The following TMEM132D variants were observed in gnomAD, a reference collection of about 807,000 sequenced individuals.
TMEM132D encodes mature OL transmembrane protein.
In TMEM132D, 21 loss-of-function variants were observed where a neutral mutation model predicts 62.3. The ratio of observed to expected loss-of-function variants is 0.34; its 90% CI spans 0.24 to 0.49. The LOEUF (loss-of-function observed/expected upper bound fraction) is 0.49, where lower values mean the gene tolerates loss of function less well. Among genes scored for constraint, TMEM132D ranks in the 20% least tolerant of loss-of-function variants. TMEM132D has a pLI of 0.99. For missense variants in TMEM132D, 1,346 were observed against 1,402.8 expected, an observed-to-expected ratio of 0.96 and a Z score of 0.65; for synonymous variants, 621 against 575.6, an observed-to-expected ratio of 1.08 and a Z score of -1.13.
At position 129,073,777 on chromosome 12, in the gene TMEM132D, T is replaced by C. The variant is rs1874151769; in HGVS notation, c.*98A>G. On this transcript the variant is annotated 3_prime_UTR_variant, in exon 9 of 9. Coordinates refer to ENST00000422113, the MANE Select transcript of TMEM132D (RefSeq NM_133448.3). ...TATGGATAGTGTCATCCTTATTTTG[T>C]CCTGCTGCTTTGTTTCTCTTCCGGG... The C allele has an allele frequency of 1.8e-6, 2 of 1,140,582 alleles. No individual in the cohort carries two copies. The highest frequency in any genetic ancestry group is 2.5e-6 in the Non-Finnish European group (2 of 798,926). The allele number at this position is 1,140,582 out of a possible 1,614,324, so 70.7% of individuals were successfully genotyped here. A position where few individuals can be genotyped will look rare whatever the true frequency, so the allele number is the denominator to read the frequency against.
At chr12:129,263,810 G>T (rs575935510) in intron 4 of TMEM132D, among the ~76,000 whole-genome samples, 3 of 152,120 alleles carry the variant, frequency 2.0e-5, no homozygotes, top group Admixed American at 1.3e-4. Flanking sequence ...TGCAGTCAGG[G>T]TTCTTCAGAA....
intron 3 of TMEM132D, among the ~76,000 whole-genome samples, chr12:129,523,473 T>G (rs1184781587): frequency 6.6e-6 from 1 of 152,194 alleles, no homozygotes; most frequent in Non-Finnish European, 1.5e-5. Flanking sequence ...CTTGTAGCTG[T>G]AGCAAGAGAA....
At chr12:129,754,867 G>A (rs909369897) in intron 1 of TMEM132D, among the ~76,000 whole-genome samples, 1 of 152,136 alleles carries the variant, frequency 6.6e-6, no homozygotes, top group Non-Finnish European at 1.5e-5. Context: ...AGGGACTGGA[G>A]GCATCTTGTG....
At chr12:129,087,990 A>C (rs76452805) in intron 5 of TMEM132D, among the ~76,000 whole-genome samples, 93 of 35,618 alleles carry the variant, frequency 2.6e-3, no homozygotes, top group African/African-American at 5.2e-3. Context: ...GGTGTCCTCC[A>C]TGACCGGGGT....
At chr12:129,525,317 A>G (rs1875997343) in intron 3 of TMEM132D, among the ~76,000 whole-genome samples, 1 of 127,728 alleles carries the variant, frequency 7.8e-6, no homozygotes, top group Non-Finnish European at 1.6e-5. Flanking sequence ...GGTCTGTTGT[A>G]TCCCTAATGC....
chr12:129,343,779 A>T (rs369999887), intron 3 of TMEM132D, among the ~76,000 whole-genome samples: 52 of 151,120 alleles, frequency 3.4e-4, no homozygotes, highest in African/African-American at 1.2e-3. Flanking sequence ...AACAAAAAAA[A>T]AAAACAAATG....
intron 2 of TMEM132D, among the ~76,000 whole-genome samples, chr12:129,652,970 C>A (rs574864228): frequency 1.2e-4 from 19 of 152,258 alleles, no homozygotes; most frequent in African/African-American, 4.6e-4. Flanking sequence ...AACAATCGTA[C>A]GTATTTAAAA....
intron 3 of TMEM132D, among the ~76,000 whole-genome samples, chr12:129,431,076 T>C (rs958550686): frequency 1.3e-5 from 2 of 152,226 alleles, no homozygotes; most frequent in Admixed American, 1.3e-4. Flanking sequence ...GCAGGGGGCT[T>C]CCAGGAATGG....
In TMEM132D at chr12:129,273,435, CAAAA is replaced by C. The variant is rs36073067; in HGVS notation, c.1300-63776_1300-63773del. 4.0e-3 allele frequency among the ~76,000 whole-genome samples: 460 copies of C among 113,752 alleles called. 11 individuals are homozygous for C. Among genetic ancestry groups the C allele is most frequent in the African/African-American group, 0.013 (376 of 28,148 alleles). The allele number at this position is 113,752 out of a possible 152,430, so 74.6% of individuals were successfully genotyped here. On this transcript the variant is annotated intron_variant, in intron 4 of 8. Coordinates refer to ENST00000422113, the MANE Select transcript of TMEM132D (RefSeq NM_133448.3). Reference sequence around the variant, plus strand: ...CCCAAAGGAAAATAAATCAGCCTGTCAAAAAAAAAAAAAAAAAAAGCACATGAAC... The same window carrying C: ...CCCAAAGGAAAATAAATCAGCCTGTCAAAAAAAAAAAAAAAGCACATGAAC...
At chr12:129,522,652 A>C (rs1336911164) in intron 3 of TMEM132D, 2 of 152,336 alleles carry the variant, frequency 1.3e-5, no homozygotes, top group African/African-American at 4.8e-5. Flanking sequence ...CATCATCAAA[A>C]ACATCGAAGA....
chr12:129,654,092 G>T (rs576287733), intron 2 of TMEM132D, among the ~76,000 whole-genome samples: 1 of 152,134 alleles, frequency 6.6e-6, no homozygotes, highest in Non-Finnish European at 1.5e-5. Flanking sequence ...TGTTTCTCAT[G>T]AATAGACTGA....
At chr12:129,363,526 A>C (rs1870316637) in intron 3 of TMEM132D, among the ~76,000 whole-genome samples, 1 of 152,248 alleles carries the variant, frequency 6.6e-6, no homozygotes, top group African/African-American at 2.4e-5. Flanking sequence ...ATGACAAATG[A>C]AAGTGCTGAG....
chr12:129,513,823 T>C (rs1875578086), intron 3 of TMEM132D, among the ~76,000 whole-genome samples: 1 of 136,576 alleles, frequency 7.3e-6, no homozygotes, highest in East Asian at 2.3e-4. Context: ...TTTATTTATT[T>C]ATTTATTTAT....
At chr12:129,316,779 A>G (rs185821312) in intron 4 of TMEM132D, among the ~76,000 whole-genome samples, 103 of 149,932 alleles carry the variant, frequency 6.9e-4, no homozygotes, top group African/African-American at 2.3e-3. Context: ...GTTGCTGTCT[A>G]TCTCATTTCT....
chr12:129,654,286 G>A (rs1880012351), intron 2 of TMEM132D, among the ~76,000 whole-genome samples: 1 of 69,742 alleles, frequency 1.4e-5, no homozygotes, highest in South Asian at 9.4e-4. Flanking sequence ...TCTCGTGTGT[G>A]TGTGTGTGTG....
intron 2 of TMEM132D, among the ~76,000 whole-genome samples, chr12:129,675,286 C>T (rs951290032): frequency 6.6e-6 from 1 of 151,904 alleles, no homozygotes; most frequent in Admixed American, 6.6e-5. Context: ...GAAAACCATA[C>T]ACCACATGTT....
chr12:129,589,481 T>A (rs981677942), intron 2 of TMEM132D, among the ~76,000 whole-genome samples: 5 of 152,222 alleles, frequency 3.3e-5, no homozygotes, highest in African/African-American at 1.2e-4. Flanking sequence ...CCTACCCGCA[T>A]ATGCAAGGAC....
At chr12:129,882,034 G>A (rs1874612557) in intron 1 of TMEM132D, among the ~76,000 whole-genome samples, 1 of 151,842 alleles carries the variant, frequency 6.6e-6, no homozygotes, top group South Asian at 2.1e-4. Context: ...TAGATAAAAT[G>A]AACCAATTCA....
At chr12:129,482,951 GTGTGTGT>G in intron 3 of TMEM132D, among the ~76,000 whole-genome samples, 1 of 30,298 alleles carries the variant, frequency 3.3e-5, no homozygotes, top group South Asian at 1.3e-3. Context: ...TAATCTGTGT[GTGTGTGT>G]GTGTGTGTGT....
Sources: allele counts gnomAD v4.1 joint callset (sites outside exome capture counted in the v4.1 genomes callset), GRCh38; gene constraint gnomAD v4.1.1; transcripts MANE v1.5; gene names NCBI Gene and HGNC (gene_info 2026-07-23, HGNC 2026-07-21).